The following HMGA2 variants were observed in gnomAD, a reference collection of about 807,000 sequenced individuals.
The protein encoded by HMGA2 is high mobility group AT-hook 2.
Under a neutral mutation model 19.1 loss-of-function variants are expected in HMGA2, and 8 were observed. That is an observed-to-expected ratio of 0.42 (90% CI 0.25 to 0.76). HMGA2 has a LOEUF of 0.76. HMGA2 is among the 30% of genes least tolerant of loss of function. HMGA2 has a pLI of 0.28. For missense variants in HMGA2, 109 were observed against 136.3 expected, an observed-to-expected ratio of 0.80 and a Z score of 1.00; for synonymous variants, 60 against 48.8, an observed-to-expected ratio of 1.23 and a Z score of -0.96.
At chr12:65,831,632 A>C (rs1323222526) in intron 2 of HMGA2, among the ~76,000 whole-genome samples, 2 of 151,850 alleles carry the variant, frequency 1.3e-5, no homozygotes, top group African/African-American at 4.8e-5. Context: ...TTTAATCTCT[A>C]TGTTTGATTT....
intron 3 of HMGA2, among the ~76,000 whole-genome samples, chr12:65,868,119 G>A (rs1284360358): frequency 2.0e-5 from 3 of 152,142 alleles, no homozygotes; most frequent in Non-Finnish European, 1.5e-5. Context: ...GTAACTTTCT[G>A]CAGCTGTCCT....
At chr12:65,905,182 T>TCACACACACA (rs139108942) in intron 3 of HMGA2, among the ~76,000 whole-genome samples, 1 of 149,280 alleles carries the variant, frequency 6.7e-6, no homozygotes, top group East Asian at 2.0e-4. Flanking sequence ...ATTGACTTTA[T>TCACACACACA]CACACACACA....
intron 3 of HMGA2, among the ~76,000 whole-genome samples, chr12:65,870,603 G>A (rs1436280875): frequency 6.6e-6 from 1 of 152,266 alleles, no homozygotes; most frequent in South Asian, 2.1e-4. Flanking sequence ...GGTGGCACAT[G>A]CCTGTAATCC....
Position 65,913,438 on chromosome 12 carries a change from G to A in HMGA2, c.250-37945G>A, listed in dbSNP as rs17101898. On this transcript the variant is annotated intron_variant, in intron 3 of 4. Coordinates refer to ENST00000403681, the MANE Select transcript of HMGA2 (RefSeq NM_003483.6). ...AACTTGCCTTCTTGTTGCAGTTGAA[G>A]CCCATTTTCTAATCTTATTTCTTCA... 6.9e-3 allele frequency among the ~76,000 whole-genome samples: 1,048 copies of A among 152,214 alleles called. 12 individuals carry two copies. The highest frequency in any genetic ancestry group is 0.024 in the African/African-American group (994 of 41,522).
chr12:65,825,707 G>A lies in HMGA2; in HGVS notation c.111+326G>A, dbSNP rs1870132988. On this transcript the variant is annotated intron_variant, in intron 1 of 4. Transcript: ENST00000403681. The surrounding 1 kb of genome is among the most constrained non-coding windows in gnomAD (Gnocchi z 4.4). The stretch of plus-strand genomic sequence containing the variant: ...TGTCGCCCAGTGACTGGAAGCGACC[G>A]GGATCCGACAAACCCGGGCTCGCAG... Among the ~76,000 whole-genome samples, 1 of 152,174 alleles carries A rather than the reference G, an allele frequency of 6.6e-6. No homozygotes were observed. Among genetic ancestry groups the A allele is most frequent in the South Asian group, 2.1e-4 (1 of 4,834 alleles).
chr12:65,838,288 C>T (rs563737494), intron 2 of HMGA2, among the ~76,000 whole-genome samples: 9 of 150,914 alleles, frequency 6.0e-5, no homozygotes, highest in African/African-American at 9.7e-5. Flanking sequence ...TCTTTTAGGG[C>T]GAGGGGTTGC....
intron 3 of HMGA2, among the ~76,000 whole-genome samples, chr12:65,949,811 G>C (rs1359625093): frequency 1.3e-5 from 2 of 152,154 alleles, no homozygotes; most frequent in Admixed American, 1.3e-4. Flanking sequence ...CAAATCATAA[G>C]GGACTTGAAT....
rs116833495 is a variant in HMGA2 at position 65,918,704 on chromosome 12, G to T, written c.250-32679G>T. 7.3e-3 allele frequency among the ~76,000 whole-genome samples: 1,115 copies of T among 152,268 alleles called. 12 individuals are homozygous for T. The highest frequency in any genetic ancestry group is 0.025 in the African/African-American group (1,057 of 41,530). On this transcript the variant is annotated intron_variant, in intron 3 of 4. Transcript: ENST00000403681. ...GAATGGTGTTGACAAATTTCAGGAG[G>T]CTGGAGAGTCTGAAAATAGTCTTAT...
intron 3 of HMGA2, among the ~76,000 whole-genome samples, chr12:65,891,348 T>C (rs774308495): frequency 3.9e-5 from 6 of 152,166 alleles, no homozygotes; most frequent in Middle Eastern, 3.2e-3. Context: ...AATGCAGATG[T>C]AAGTAGGGGA....
chr12:65,866,778 T>TAA, intron 3 of HMGA2: 2 of 367,446 alleles, frequency 5.4e-6, no homozygotes, highest in South Asian at 2.1e-5. Context: ...GTGCCAACTT[T>TAA]AAAAAAAAAA....
chr12:65,964,745 T>TA lies in HMGA2; in HGVS notation c.*1458dup, dbSNP rs1565744747. 1.0e-5 allele frequency: 2 copies of TA among 196,062 alleles called. No individual in the cohort carries two copies. The highest frequency in any genetic ancestry group is 4.6e-5 in the African/African-American group (2 of 43,282). 12.1% of individuals were successfully genotyped at this position (196,062 alleles called of 1,614,324 possible). On this transcript the variant is annotated 3_prime_UTR_variant, in exon 5 of 5. Transcript: ENST00000403681. ...ATGTATTTTTCTATGTTTTTTTAAT[T>TA]AAAAATTTTTAAAATACTTGTTTCA...
intron 3 of HMGA2, among the ~76,000 whole-genome samples, chr12:65,870,924 G>T (rs773636789): frequency 1.3e-5 from 2 of 152,114 alleles, no homozygotes; most frequent in Non-Finnish European, 2.9e-5. Context: ...GAACCTAAAC[G>T]CTTTGTGGTA....
chr12:65,931,746 G>A (rs1340020714), intron 3 of HMGA2, among the ~76,000 whole-genome samples: 2 of 152,074 alleles, frequency 1.3e-5, no homozygotes, highest in East Asian at 3.9e-4. Flanking sequence ...AGTCAATGCA[G>A]GACTGAAATA....
At position 65,965,232 on chromosome 12, in the gene HMGA2, A is replaced by G. The variant is rs1876874565; in HGVS notation, c.*1940A>G. Reference sequence around the variant, plus strand: ...GCAATCAAAAATATGTGTTTTTAAGATTAGTTGAATATAAGAAAATGCTTG... The same window carrying G: ...GCAATCAAAAATATGTGTTTTTAAGGTTAGTTGAATATAAGAAAATGCTTG... On this transcript the variant is annotated 3_prime_UTR_variant, in exon 5 of 5. Transcript: ENST00000403681. The G allele has an allele frequency of 5.0e-6, 1 of 201,964 alleles. No homozygotes were observed. Among genetic ancestry groups the G allele is most frequent in the African/African-American group, 2.3e-5 (1 of 43,612 alleles). The allele number at this position is 201,964 out of a possible 1,614,324, so 12.5% of individuals were successfully genotyped here. A position where few individuals can be genotyped will look rare whatever the true frequency, so the allele number is the denominator to read the frequency against.
intron 3 of HMGA2, chr12:65,915,137 A>G: frequency 6.2e-7 from 1 of 1,613,618 alleles, no homozygotes; most frequent in East Asian, 2.2e-5. Context: ...CTGAATTGTC[A>G]TTGGAGGAGT....
At chr12:65,886,985 A>T (rs190109600) in intron 3 of HMGA2, among the ~76,000 whole-genome samples, 1 of 152,226 alleles carries the variant, frequency 6.6e-6, no homozygotes, top group Non-Finnish European at 1.5e-5. Context: ...AATTCTTGGG[A>T]TTAATGACTG....
At chr12:65,865,765 G>A (rs1434097629) in intron 3 of HMGA2, among the ~76,000 whole-genome samples, 1 of 150,860 alleles carries the variant, frequency 6.6e-6, no homozygotes, top group Non-Finnish European at 1.5e-5. Flanking sequence ...CTCCCGAGTA[G>A]CTGGGACTAC....
At chr12:65,895,250 G>C (rs1017356258) in intron 3 of HMGA2, among the ~76,000 whole-genome samples, 4 of 151,960 alleles carry the variant, frequency 2.6e-5, no homozygotes, top group African/African-American at 9.7e-5. Context: ...GGAACATAAA[G>C]CAAGTCTATA....
chr12:65,899,608 C>T (rs1163425765), intron 3 of HMGA2, among the ~76,000 whole-genome samples: 4 of 152,170 alleles, frequency 2.6e-5, no homozygotes, highest in Non-Finnish European at 5.9e-5. Flanking sequence ...ACCAGCTTTC[C>T]GAATGCTGGT....
Sources: allele counts gnomAD v4.1 joint callset (sites outside exome capture counted in the v4.1 genomes callset), GRCh38; gene constraint gnomAD v4.1.1; non-coding constraint Gnocchi (gnomAD v3.1); transcripts MANE v1.5; gene names NCBI Gene and HGNC (gene_info 2026-07-23, HGNC 2026-07-21).